CCDC148: variants seen among roughly 807,000 people sequenced by gnomAD.
CCDC148 encodes the protein coiled-coil domain containing 148, also known as coiled-coil domain-containing protein 148.
CCDC148 carries 89 observed loss-of-function variants against 85.7 expected under a neutral mutation model. The observed-to-expected ratio is 1.04, with a 90% confidence interval of 0.87 to 1.24. CCDC148 has a LOEUF of 1.24. CCDC148 is among the 50% of genes most tolerant of loss of function. The pLI, the probability that CCDC148 is intolerant of heterozygous loss-of-function variation, is 0.00. For missense variants in CCDC148, 692 were observed against 671.7 expected (o/e 1.03, Z -0.33); for synonymous variants, 230 against 213.9 (o/e 1.08, Z -0.66).
At chr2:158,347,320 C>T (rs2105251408) in intron 2 of CCDC148, among the ~76,000 whole-genome samples, 1 of 151,946 alleles carries the variant, frequency 6.6e-6, no homozygotes, top group East Asian at 1.9e-4. Flanking sequence ...ATGGAAAGTT[C>T]AATTAAGTAG....
intron 2 of CCDC148, 127 bp from the exon 3 acceptor site, chr2:158,345,445 T>C: frequency 1.8e-6 from 1 of 564,450 alleles, no homozygotes; most frequent in East Asian, 3.2e-5. Flanking sequence ...TTAGTGCATC[T>C]CCTAACACAA....
chr2:158,456,703 T>C lies in CCDC148; in HGVS notation c.-264A>G. 1.8e-6 allele frequency: 1 copy of C among 543,548 alleles called. No homozygotes were observed. The highest frequency in any genetic ancestry group is 3.3e-6 in the Non-Finnish European group (1 of 304,724). The allele number at this position is 543,548 out of a possible 1,614,324, so 33.7% of individuals were successfully genotyped here. A position where few individuals can be genotyped will look rare whatever the true frequency, so the allele number is the denominator to read the frequency against. On this transcript the variant is annotated 5_prime_UTR_variant, in exon 1 of 14. Transcript: ENST00000283233. The stretch of plus-strand genomic sequence containing the variant: ...CCCGAGACCTGAGACACCTTCTCTC[T>C]CACACCCACCCTCTCCAGGCCCTCT...
chr2:158,343,991 T>C (rs1415075913), intron 3 of CCDC148, among the ~76,000 whole-genome samples: 2 of 152,096 alleles, frequency 1.3e-5, no homozygotes, highest in Admixed American at 6.6e-5. Context: ...CTCTTCTACA[T>C]AGCTTAAGAA....
At chr2:158,369,866 A>T (rs778278647) in intron 1 of CCDC148, among the ~76,000 whole-genome samples, 1 of 152,106 alleles carries the variant, frequency 6.6e-6, no homozygotes, top group Non-Finnish European at 1.5e-5. Flanking sequence ...GTTTGTTAAG[A>T]GTTTTTAACA....
chr2:158,174,444 C>A (rs1684472636), intron 13 of CCDC148, among the ~76,000 whole-genome samples: 2 of 151,958 alleles, frequency 1.3e-5, no homozygotes, highest in Admixed American at 1.3e-4. Context: ...AGGAACTCAC[C>A]CCAACCCATG....
At chr2:158,309,670 C>A in intron 8 of CCDC148, 31 bp from the exon 9 acceptor site, 1 of 1,438,970 alleles carries the variant, frequency 6.9e-7, no homozygotes, top group South Asian at 1.3e-5. Context: ...GAATACTTAT[C>A]ATTATGAAAA....
chr2:158,348,774 C>T (rs926039819), intron 2 of CCDC148, among the ~76,000 whole-genome samples: 20 of 151,958 alleles, frequency 1.3e-4, no homozygotes, highest in Non-Finnish European at 2.5e-4. Context: ...TGGAGATTCA[C>T]TATACAATTC....
chr2:158,434,211 G>T (rs1687522775), intron 1 of CCDC148, among the ~76,000 whole-genome samples: 4 of 152,176 alleles, frequency 2.6e-5, no homozygotes, highest in Admixed American at 6.5e-5. Flanking sequence ...TAACTGGGAG[G>T]TACCTCCCAG....
intron 10 of CCDC148, among the ~76,000 whole-genome samples, chr2:158,247,618 A>T (rs1361196461): frequency 6.6e-6 from 1 of 152,138 alleles, no homozygotes; most frequent in South Asian, 2.1e-4. Flanking sequence ...GCACTTTGGG[A>T]GGCTGAGGCG....
chr2:158,423,420 A>G (rs1421624782), intron 1 of CCDC148, among the ~76,000 whole-genome samples: 1 of 152,204 alleles, frequency 6.6e-6, no homozygotes, highest in Non-Finnish European at 1.5e-5. Flanking sequence ...CCACACATCT[A>G]CAACCACCTG....
At chr2:158,246,171 C>T (rs6755333) in intron 10 of CCDC148, among the ~76,000 whole-genome samples, 18,073 of 152,062 alleles carry the variant, frequency 0.12, 2,311 homozygotes, top group African/African-American at 0.32. Context: ...CTGCCAGTCC[C>T]TTAGGAAAAG....
At chr2:158,351,389 G>C (rs1323256477) in intron 2 of CCDC148, among the ~76,000 whole-genome samples, 4 of 152,310 alleles carry the variant, frequency 2.6e-5, no homozygotes, top group East Asian at 1.9e-4. Flanking sequence ...CAACGTGCGC[G>C]AGCCGAAGCA....
chr2:158,438,494 G>A (rs1282743586), intron 1 of CCDC148, among the ~76,000 whole-genome samples: 2 of 152,030 alleles, frequency 1.3e-5, no homozygotes, highest in Non-Finnish European at 2.9e-5. Context: ...TTAAAGACTT[G>A]AAGGTTAGAC....
At chr2:158,429,736 C>CGGT (rs1687253263) in intron 1 of CCDC148, among the ~76,000 whole-genome samples, 1 of 152,116 alleles carries the variant, frequency 6.6e-6, no homozygotes, top group Admixed American at 6.6e-5. Flanking sequence ...CCACTGTAAC[C>CGGT]AACTAGAAAA....
chr2:158,417,741 C>A (rs1686567873), intron 1 of CCDC148, among the ~76,000 whole-genome samples: 1 of 152,142 alleles, frequency 6.6e-6, no homozygotes, highest in Non-Finnish European at 1.5e-5. Flanking sequence ...GTTGTCTATT[C>A]CTTGGAGGAC....
intron 11 of CCDC148, among the ~76,000 whole-genome samples, chr2:158,189,068 A>G (rs1429149329): frequency 6.6e-6 from 1 of 151,848 alleles, no homozygotes; most frequent in African/African-American, 2.4e-5. Flanking sequence ...GAATGGCTAT[A>G]ATTAAAAAGT....
At chr2:158,250,693 G>T in intron 10 of CCDC148, 79 bp downstream of exon 10, 1 of 1,432,804 alleles carries the variant, frequency 7.0e-7, no homozygotes, top group Non-Finnish European at 9.1e-7. Context: ...AGAATTTCAT[G>T]CCAAACACCA....
intron 13 of CCDC148, among the ~76,000 whole-genome samples, chr2:158,174,896 C>T (rs1684499961): frequency 6.6e-6 from 1 of 152,034 alleles, no homozygotes; most frequent in African/African-American, 2.4e-5. Flanking sequence ...GACCAAAACA[C>T]TGTTATGGGG....
rs185731353 is a variant in CCDC148, at chr2:158,362,206, G to A, written c.26-3636C>T. Among the ~76,000 whole-genome samples, 402 of 151,950 alleles carry A rather than the reference G, an allele frequency of 2.6e-3. 3 individuals are homozygous for A. Among genetic ancestry groups the A allele is most frequent in the African/African-American group, 9.0e-3 (374 of 41,446 alleles). On this transcript the variant is annotated intron_variant, in intron 1 of 13. Transcript: ENST00000283233. ...TCTTAGAGACCTACAAAGAGACTTA[G>A]ACTCCCACACAATAATAATGGGAGA...
Sources: allele counts gnomAD v4.1 joint callset (sites outside exome capture counted in the v4.1 genomes callset), GRCh38; gene constraint gnomAD v4.1.1; transcripts MANE v1.5; gene names NCBI Gene and HGNC (gene_info 2026-07-23, HGNC 2026-07-21).